CELF2: variants seen among roughly 807,000 people sequenced by gnomAD.
CELF2 encodes the protein CUGBP Elav-like family member 2.
In CELF2, 8 loss-of-function variants were observed where a neutral mutation model predicts 62.6. The observed-to-expected ratio is 0.13, with a 90% CI of 0.07 to 0.23. CELF2 has a LOEUF of 0.23. Ranked by LOEUF, CELF2 falls within the 10% of genes least tolerant of loss-of-function variation. The pLI is 1.00. For synonymous variants in CELF2, 258 were observed against 250.0 expected, an observed-to-expected ratio of 1.03 and a Z score of -0.30; for missense variants, 333 against 671.0, an observed-to-expected ratio of 0.50 and a Z score of 5.56.
the CELF2 span, among the ~76,000 whole-genome samples, chr10:10,733,765 C>G: frequency 6.6e-6 from 1 of 152,100 alleles, no homozygotes; most frequent in African/African-American, 2.4e-5. Flanking sequence ...TATGAGGGAA[C>G]CACCCCCACA....
At chr10:11,049,813 G>A (rs1172450064) in intron 1 of CELF2, among the ~76,000 whole-genome samples, 2 of 152,098 alleles carry the variant, frequency 1.3e-5, no homozygotes, top group Non-Finnish European at 2.9e-5. Flanking sequence ...GTGTGACAGT[G>A]CTTACAAAAC....
intron 1 of CELF2, among the ~76,000 whole-genome samples, chr10:10,879,752 C>T (rs985007826): frequency 6.6e-6 from 1 of 152,186 alleles, no homozygotes; most frequent in African/African-American, 2.4e-5. Context: ...ACCTTGCTAT[C>T]CCGACATCCT....
Position 11,077,106 on chromosome 10 carries a change from A to G in CELF2, c.74+58943A>G, listed in dbSNP as rs573533280. 3.9e-5 allele frequency among the ~76,000 whole-genome samples: 6 copies of G among 152,120 alleles called. No individual in the cohort carries two copies. In the South Asian group the frequency reaches 6.2e-4, roughly 16 times the overall value. On this transcript the variant is annotated intron_variant, in intron 1 of 12. Transcript: ENST00000633077. Reference sequence around the variant, plus strand: ...TTCCCAAGTCCTTTGCCGTTTTGCAAACCGTTAACTCTGAGACAAGTGAAT... The same window carrying G: ...TTCCCAAGTCCTTTGCCGTTTTGCAGACCGTTAACTCTGAGACAAGTGAAT...
chr10:10,550,915 C>G, the CELF2 span, among the ~76,000 whole-genome samples: 1 of 152,138 alleles, frequency 6.6e-6, no homozygotes, highest in Admixed American at 6.5e-5. Context: ...TCAGGCTGGT[C>G]TCTAACTCCC....
intron 2 of CELF2, among the ~76,000 whole-genome samples, chr10:11,174,823 C>T (rs2070407667): frequency 6.6e-6 from 1 of 152,144 alleles, no homozygotes; most frequent in Non-Finnish European, 1.5e-5. Flanking sequence ...GGAAAAAATC[C>T]TTCCCAAACT....
the CELF2 span, among the ~76,000 whole-genome samples, chr10:10,764,736 G>T: frequency 1.3e-5 from 2 of 152,162 alleles, no homozygotes; most frequent in Non-Finnish European, 2.9e-5. Context: ...GCAATTGGAA[G>T]CCAATATTTG....
At chr10:10,717,376 A>AT in the CELF2 span, among the ~76,000 whole-genome samples, 1 of 151,748 alleles carries the variant, frequency 6.6e-6, no homozygotes, top group African/African-American at 2.4e-5. Context: ...AATGAAACTT[A>AT]TTAAAAAAAA....
chr10:10,913,044 G>A lies in CELF2; in HGVS notation c.54-6920G>A, dbSNP rs139970625. Among the ~76,000 whole-genome samples the A allele has an allele frequency of 2.0e-4, 30 of 152,326 alleles. 1 individual carries two copies. The East Asian group carries it at 5.0e-3, about 25-fold the overall frequency. Reference sequence around the variant, plus strand: ...ATTTGATGTGAACAGTTCCATGAATGTGTGTGTGCAATTGTAGATTTCACC... The same window carrying A: ...ATTTGATGTGAACAGTTCCATGAATATGTGTGTGCAATTGTAGATTTCACC... On this transcript the variant is annotated intron_variant, in intron 1 of 13. Transcript: ENST00000636488.
intron 1 of CELF2, among the ~76,000 whole-genome samples, chr10:10,875,392 A>G (rs961375963): frequency 6.6e-6 from 1 of 152,186 alleles, no homozygotes; most frequent in African/African-American, 2.4e-5. Flanking sequence ...TCACATTTTC[A>G]GAGGGGATTT....
Position 11,335,275 on chromosome 10 carries a change from T to TA in CELF2, c.*6225dup. On this transcript the variant is annotated 3_prime_UTR_variant, in exon 13 of 13. Transcript: ENST00000633077. The surrounding 1 kb of genome is among the most constrained non-coding windows in gnomAD (Gnocchi z 5.0). ...CTCTGCTCAGGAATCTGATTGCTCT[T>TA]AAAGTGCTCTTACAAGATTCCGTCG... 6.6e-6 allele frequency: 1 copy of TA among 152,484 alleles called. No homozygotes were observed. Among genetic ancestry groups the TA allele is most frequent in the Non-Finnish European group, 1.5e-5 (1 of 68,098 alleles). The allele number at this position is 152,484 out of a possible 1,614,324, so 9.4% of individuals were successfully genotyped here. A position where few individuals can be genotyped will look rare whatever the true frequency, so the allele number is the denominator to read the frequency against.
rs1015365160 is a variant in CELF2 at position 11,036,726 on chromosome 10, G to A, written c.74+18563G>A. 5.3e-5 allele frequency among the ~76,000 whole-genome samples: 8 copies of A among 152,228 alleles called. No homozygotes were observed. In the East Asian group the frequency reaches 1.3e-3, roughly 26 times the overall value. On this transcript the variant is annotated intron_variant, in intron 1 of 12. Transcript: ENST00000633077. ...TTCCATTGCTAGTTTTACGCTGAGA[G>A]CCCGCTGGGGGTTTACAGATAGGCT...
In CELF2 at chr10:11,156,723, G is replaced by C. The variant is rs1188284207; in HGVS notation, c.75-8763G>C. On this transcript the variant is annotated intron_variant, in intron 1 of 12. Coordinates refer to ENST00000633077, the MANE Select transcript of CELF2 (RefSeq NM_001326342.2). This position sits in a 1 kb window ranked among gnomAD's most constrained non-coding sequence, Gnocchi z 4.3. ...CCACCATGCACTTGATGGGGCTTCCGTGAATCGCTGTTTCTGAGGTTCCGC... is the reference window on the plus strand; with the variant it reads ...CCACCATGCACTTGATGGGGCTTCCCTGAATCGCTGTTTCTGAGGTTCCGC... 6.6e-6 allele frequency among the ~76,000 whole-genome samples: 1 copy of C among 152,158 alleles called. No homozygotes were observed. Among genetic ancestry groups the C allele is most frequent in the Non-Finnish European group, 1.5e-5 (1 of 68,040 alleles).
the CELF2 span, among the ~76,000 whole-genome samples, chr10:10,720,298 C>T: frequency 1.3e-5 from 2 of 152,308 alleles, no homozygotes; most frequent in Non-Finnish European, 1.5e-5. Context: ...GGACTGCTGT[C>T]GTCTTCAATA....
intron 2 of CELF2, among the ~76,000 whole-genome samples, chr10:10,933,016 C>T (rs992301286): frequency 2.6e-5 from 4 of 151,988 alleles, no homozygotes; most frequent in South Asian, 2.1e-4. Flanking sequence ...GACACAAGGC[C>T]GGGCACAGTG....
At chr10:10,661,680 A>T in the CELF2 span, among the ~76,000 whole-genome samples, 4 of 152,330 alleles carry the variant, frequency 2.6e-5, no homozygotes, top group African/African-American at 9.6e-5. Context: ...ACATCATCAT[A>T]GTAGATTTAG....
At chr10:10,754,305 T>C in the CELF2 span, among the ~76,000 whole-genome samples, 287 of 152,024 alleles carry the variant, frequency 1.9e-3, no homozygotes, top group African/African-American at 6.6e-3. Context: ...CCTCGATGCC[T>C]GGCCAATATT....
At chr10:10,798,622 T>C (rs1564635819), upstream of CELF2, 1 of 396,712 alleles carries the variant, frequency 2.5e-6, no homozygotes, top group African/African-American at 2.1e-5. Context: ...TGGAGAGAAG[T>C]CAGGAAAAGT....
the CELF2 span, among the ~76,000 whole-genome samples, chr10:10,486,481 T>G: frequency 6.6e-6 from 1 of 152,202 alleles, no homozygotes; most frequent in Admixed American, 6.5e-5. Flanking sequence ...TGCATGCTAT[T>G]TACTATTCAT....
the CELF2 span, among the ~76,000 whole-genome samples, chr10:10,679,034 C>T: frequency 6.6e-6 from 1 of 152,150 alleles, no homozygotes; most frequent in African/African-American, 2.4e-5. Flanking sequence ...GGTCCTTGAA[C>T]AACTAAGCTA....
Sources: gnomAD v4.1 joint callset for allele counts (sites outside exome capture counted in the v4.1 genomes callset) on GRCh38, gnomAD v4.1.1 for gene constraint, Gnocchi (gnomAD v3.1) non-coding constraint, MANE v1.5 for transcripts, NCBI Gene and HGNC (gene_info 2026-07-23, HGNC 2026-07-21) for gene names.